Variants in VRK1 observed in about 807,000 individuals in gnomAD.
VRK1 encodes serine/threonine-protein kinase VRK1.
VRK1 carries 33 observed loss-of-function variants against 57.1 expected under a neutral mutation model. That is an observed-to-expected ratio of 0.58 (90% CI 0.44 to 0.77). VRK1 has a LOEUF of 0.77. VRK1 is among the 30% of genes least tolerant of loss of function. VRK1 has a pLI of 0.00. For synonymous variants in VRK1, 137 were observed against 147.8 expected, an observed-to-expected ratio of 0.93 and a Z score of 0.53; for missense variants, 413 against 477.3, an observed-to-expected ratio of 0.87 and a Z score of 1.25.
chr14:96,827,189 T>A (rs558916273), intron 1 of VRK1, among the ~76,000 whole-genome samples: 34 of 152,268 alleles, frequency 2.2e-4, no homozygotes, highest in Admixed American at 1.8e-3. Context: ...ATTTTGTCAG[T>A]TTACTTTGTG....
rs1889097396 is a variant in VRK1 at position 96,877,630 on chromosome 14, A to G, written c.1159+1510A>G. 1.6e-5 allele frequency: 21 copies of G among 1,286,850 alleles called. No homozygotes were observed. The South Asian group carries it at 2.4e-4, about 14-fold the overall frequency. 79.7% of individuals were successfully genotyped at this position (1,286,850 alleles called of 1,614,324 possible). On this transcript the variant is annotated intron_variant, in intron 12 of 12. Coordinates refer to ENST00000216639, the MANE Select transcript of VRK1 (RefSeq NM_003384.3). ...AAATATACAGCAATATTCTTAAAAA[A>G]CAATCCCTTAAATTTTAAAACTGGC...
intron 7 of VRK1, 38 bp downstream of exon 7, chr14:96,853,204 G>T: frequency 6.4e-7 from 1 of 1,563,752 alleles, no homozygotes; most frequent in Non-Finnish European, 8.8e-7. Context: ...TTTAAAGCGT[G>T]TTGTTTGAAA....
At chr14:96,801,503 A>T (rs1049160913) in intron 1 of VRK1, among the ~76,000 whole-genome samples, 2 of 152,108 alleles carry the variant, frequency 1.3e-5, no homozygotes, top group African/African-American at 4.8e-5. Context: ...ATTGCAGTTT[A>T]CTATGTAATT....
At chr14:96,879,666 T>C (rs1227860471) in intron 12 of VRK1, among the ~76,000 whole-genome samples, 1 of 152,098 alleles carries the variant, frequency 6.6e-6, no homozygotes, top group African/African-American at 2.4e-5. Flanking sequence ...CAGTGGCTCA[T>C]GCTTGTAATG....
intron 1 of VRK1, among the ~76,000 whole-genome samples, chr14:96,827,365 C>T (rs777822602): frequency 1.3e-5 from 2 of 152,122 alleles, no homozygotes; most frequent in Non-Finnish European, 2.9e-5. Context: ...GAAAGTGCTT[C>T]TCTTGTTGCC....
At chr14:96,857,157 A>C (rs965638797) in intron 10 of VRK1, among the ~76,000 whole-genome samples, 4 of 152,200 alleles carry the variant, frequency 2.6e-5, no homozygotes, top group Non-Finnish European at 5.9e-5. Context: ...TCATGAAGCT[A>C]GCATTGTAGT....
chr14:96,841,557 TAAAC>T (rs1887462250), intron 3 of VRK1, among the ~76,000 whole-genome samples: 1 of 152,282 alleles, frequency 6.6e-6, no homozygotes, highest in East Asian at 1.9e-4. Flanking sequence ...AAGAATGTCA[TAAAC>T]AAAACAATAC....
intron 3 of VRK1, among the ~76,000 whole-genome samples, chr14:96,841,941 C>T (rs1887480656): frequency 6.6e-6 from 1 of 152,126 alleles, no homozygotes. Flanking sequence ...TTTCCCCTAG[C>T]ACTCTCTCCT....
intron 11 of VRK1, among the ~76,000 whole-genome samples, chr14:96,875,214 CTT>C (rs1888978908): frequency 6.6e-6 from 1 of 152,178 alleles, no homozygotes; most frequent in Admixed American, 6.5e-5. Flanking sequence ...AATTTAGAAA[CTT>C]AACGCAGGAT....
At chr14:96,850,074 C>A (rs913513217) in intron 5 of VRK1, among the ~76,000 whole-genome samples, 10 of 152,072 alleles carry the variant, frequency 6.6e-5, no homozygotes, top group Non-Finnish European at 1.5e-4. Flanking sequence ...ACCTCCCAGC[C>A]CATTTCTTCT....
chr14:96,832,666 A>C (rs889095189), intron 1 of VRK1, among the ~76,000 whole-genome samples: 3 of 152,162 alleles, frequency 2.0e-5, no homozygotes, highest in Admixed American at 2.0e-4. Context: ...TGTTAAACTT[A>C]TGTGTCAGTG....
intron 11 of VRK1, among the ~76,000 whole-genome samples, chr14:96,874,245 C>T (rs1304428537): frequency 6.6e-6 from 1 of 152,186 alleles, no homozygotes; most frequent in African/African-American, 2.4e-5. Flanking sequence ...TAATGCATCA[C>T]AAATCTGCTG....
chr14:96,845,898 A>C (rs1044980061), intron 3 of VRK1, among the ~76,000 whole-genome samples, 197 bp from the exon 4 acceptor site: 2 of 152,210 alleles, frequency 1.3e-5, no homozygotes, highest in African/African-American at 4.8e-5. Context: ...ATGGAACTTG[A>C]GCAATATAAG....
At chr14:96,875,673 G>T (rs114905051) in intron 11 of VRK1, among the ~76,000 whole-genome samples, 87 of 152,222 alleles carry the variant, frequency 5.7e-4, no homozygotes, top group African/African-American at 2.0e-3. Context: ...AGTGGTGATC[G>T]TGAGTTTGTA....
intron 1 of VRK1, among the ~76,000 whole-genome samples, chr14:96,826,538 C>A (rs184189671): frequency 5.3e-5 from 8 of 152,226 alleles, no homozygotes; most frequent in African/African-American, 1.9e-4. Flanking sequence ...TCTTTGAAAC[C>A]TCTCTGTTGC....
chr14:96,822,530 G>A (rs1595651830), intron 1 of VRK1, among the ~76,000 whole-genome samples: 1 of 152,122 alleles, frequency 6.6e-6, no homozygotes, highest in South Asian at 2.1e-4. Flanking sequence ...CATTCCTATC[G>A]TGAGGTGACT....
rs757724286 is a variant in VRK1, at chr14:96,856,121, C to A, written c.710-9C>A. 3.7e-6 allele frequency: 6 copies of A among 1,613,332 alleles called. No individual in the cohort carries two copies. In the East Asian group the frequency reaches 1.3e-4, roughly 36 times the overall value. On this transcript the variant is annotated splice_polypyrimidine_tract_variant and intron_variant, in intron 8 of 12. Coordinates refer to ENST00000216639, the MANE Select transcript of VRK1 (RefSeq NM_003384.3). ...CAGTCTACCTAATGTTCTTCTCTTG[C>A]ATTTGTAGCCCCATCAAGACGTGGT...
chr14:96,813,629 A>G (rs944083308), intron 1 of VRK1, among the ~76,000 whole-genome samples: 2 of 151,978 alleles, frequency 1.3e-5, no homozygotes. Context: ...ATTTCTTTTC[A>G]CTTGACAGAG....
intron 3 of VRK1, among the ~76,000 whole-genome samples, chr14:96,842,988 C>T (rs1051339968): frequency 6.6e-6 from 1 of 152,270 alleles, no homozygotes; most frequent in African/African-American, 2.4e-5. Context: ...TATGAAACAG[C>T]TCCAGATAGT....
Sources: allele counts gnomAD v4.1 joint callset (sites outside exome capture counted in the v4.1 genomes callset), GRCh38; gene constraint gnomAD v4.1.1; transcripts MANE v1.5; gene names NCBI Gene and HGNC (gene_info 2026-07-23, HGNC 2026-07-21).